JAKMIP2: variants seen among roughly 807,000 people sequenced by gnomAD.
JAKMIP2 encodes the protein janus kinase and microtubule-interacting protein 2.
JAKMIP2 carries 25 observed loss-of-function variants against 115.0 expected under a neutral mutation model. The observed-to-expected ratio is 0.22, with a 90% CI of 0.16 to 0.30. The LOEUF (loss-of-function observed/expected upper bound fraction) is 0.30. Ranked by LOEUF, JAKMIP2 falls within the 10% of genes least tolerant of loss-of-function variation. The probability of loss-of-function intolerance (pLI) is 1.00; values close to 1 mark genes in which losing one functional copy is unlikely to be tolerated. For missense variants in JAKMIP2, 642 were observed against 957.6 expected, an observed-to-expected ratio of 0.67 and a Z score of 4.35; for synonymous variants, 334 against 343.6, an observed-to-expected ratio of 0.97 and a Z score of 0.31.
At chr5:147,750,090 G>A (rs1754493337) in intron 1 of JAKMIP2, among the ~76,000 whole-genome samples, 2 of 152,128 alleles carry the variant, frequency 1.3e-5, no homozygotes, top group African/African-American at 4.8e-5. Context: ...TTTTTAAAAA[G>A]TCAAATAATT....
chr5:147,613,984 A>G (rs1389242171), intron 19 of JAKMIP2, among the ~76,000 whole-genome samples: 1 of 152,178 alleles, frequency 6.6e-6, no homozygotes, highest in Non-Finnish European at 1.5e-5. Context: ...TCAGTGCTCC[A>G]TAGCTACACA....
At chr5:147,669,289 G>A (rs777295589) in intron 2 of JAKMIP2, among the ~76,000 whole-genome samples, 24 of 152,294 alleles carry the variant, frequency 1.6e-4, no homozygotes, top group Middle Eastern at 3.4e-3. Context: ...AGCTGGGACC[G>A]TAATTAACTG....
intron 17 of JAKMIP2, among the ~76,000 whole-genome samples, chr5:147,622,087 G>C (rs996291421): frequency 6.6e-6 from 1 of 152,060 alleles, no homozygotes. Flanking sequence ...GGCTGGTCTC[G>C]AACTCCTGAC....
chr5:147,617,194 T>G (rs1371829439), intron 19 of JAKMIP2, among the ~76,000 whole-genome samples: 1 of 152,166 alleles, frequency 6.6e-6, no homozygotes, highest in Non-Finnish European at 1.5e-5. Flanking sequence ...ATGAATCACA[T>G]AAGTCATGGA....
intron 1 of JAKMIP2, among the ~76,000 whole-genome samples, chr5:147,709,759 G>C (rs190185564): frequency 1.3e-5 from 2 of 152,218 alleles, no homozygotes; most frequent in African/African-American, 4.8e-5. Context: ...CTGAGGCAGA[G>C]AACTGCCTAA....
intron 21 of JAKMIP2, among the ~76,000 whole-genome samples, chr5:147,593,746 G>A (rs540810135): frequency 2.0e-5 from 3 of 152,300 alleles, no homozygotes; most frequent in African/African-American, 4.8e-5. Flanking sequence ...GCTATGATTT[G>A]AGAAAATAGA....
intron 1 of JAKMIP2, among the ~76,000 whole-genome samples, chr5:147,707,400 A>C (rs1170304634): frequency 6.6e-6 from 1 of 152,176 alleles, no homozygotes; most frequent in East Asian, 1.9e-4. Context: ...GCGGTATGTC[A>C]GTAATATTTT....
intron 21 of JAKMIP2, among the ~76,000 whole-genome samples, chr5:147,593,200 T>C (rs571957073): frequency 6.6e-6 from 1 of 152,290 alleles, no homozygotes; most frequent in South Asian, 2.1e-4. Context: ...AGCTACCTCC[T>C]TAGCAAAAAG....
intron 1 of JAKMIP2, among the ~76,000 whole-genome samples, chr5:147,713,946 C>T (rs978434479): frequency 2.6e-5 from 4 of 152,216 alleles, no homozygotes; most frequent in Non-Finnish European, 4.4e-5. Context: ...CCTAGACAAT[C>T]TGAAACCCTC....
intron 1 of JAKMIP2, among the ~76,000 whole-genome samples, chr5:147,693,454 C>T (rs1302897375): frequency 6.6e-6 from 1 of 152,154 alleles, no homozygotes. Flanking sequence ...CACCTACTTA[C>T]ATCAGAACTA....
At chr5:147,652,214 T>TTGGTCA (rs1336843738) in intron 3 of JAKMIP2, among the ~76,000 whole-genome samples, 3 of 152,178 alleles carry the variant, frequency 2.0e-5, no homozygotes, top group Non-Finnish European at 1.5e-5. Context: ...GCTTAAAAAC[T>TTGGTCA]TGGTCATAGT....
intron 1 of JAKMIP2, among the ~76,000 whole-genome samples, chr5:147,765,758 C>A (rs1488834583): frequency 6.6e-6 from 1 of 152,086 alleles, no homozygotes; most frequent in Non-Finnish European, 1.5e-5. Context: ...TGTAATTCTA[C>A]CACCTGAACA....
intron 1 of JAKMIP2, among the ~76,000 whole-genome samples, chr5:147,716,048 T>C (rs1441479833): frequency 1.4e-5 from 2 of 139,074 alleles, no homozygotes; most frequent in African/African-American, 2.7e-5. Flanking sequence ...CCTGTGTCCA[T>C]GTGATCTCAT....
intron 1 of JAKMIP2, among the ~76,000 whole-genome samples, chr5:147,675,915 C>T (rs1010602931): frequency 4.6e-5 from 7 of 150,668 alleles, no homozygotes; most frequent in African/African-American, 1.7e-4. Context: ...TAGGGATAAA[C>T]TGCATCTTAT....
intron 1 of JAKMIP2, among the ~76,000 whole-genome samples, chr5:147,687,247 A>G (rs1760616353): frequency 6.6e-6 from 1 of 152,204 alleles, no homozygotes; most frequent in African/African-American, 2.4e-5. Flanking sequence ...TATCTTTTTA[A>G]TGCTCTGAGG....
chr5:147,597,172 C>T (rs969117317), intron 21 of JAKMIP2, among the ~76,000 whole-genome samples: 7 of 152,038 alleles, frequency 4.6e-5, no homozygotes, highest in South Asian at 4.2e-4. Context: ...AGTGAGCCAC[C>T]GCGCCTGGCC....
intron 1 of JAKMIP2, among the ~76,000 whole-genome samples, chr5:147,714,692 A>G (rs1454251144): frequency 1.3e-5 from 2 of 152,194 alleles, no homozygotes; most frequent in African/African-American, 4.8e-5. Flanking sequence ...AAAATAGATG[A>G]CTGGCCTATA....
At chr5:147,639,246 C>A (rs534441565) in intron 10 of JAKMIP2, among the ~76,000 whole-genome samples, 3 of 152,260 alleles carry the variant, frequency 2.0e-5, no homozygotes, top group East Asian at 3.9e-4. Context: ...AGTTGTCATA[C>A]GTAAACGCTG....
intron 7 of JAKMIP2, 135 bp downstream of exon 7, chr5:147,643,923 T>C: frequency 3.4e-6 from 2 of 591,708 alleles, no homozygotes; most frequent in Non-Finnish European, 5.6e-6. Context: ...ATACAGTCTC[T>C]AGAACAAAAT....
Sources: allele counts gnomAD v4.1 joint callset (sites outside exome capture counted in the v4.1 genomes callset), GRCh38; gene constraint gnomAD v4.1.1; transcripts MANE v1.5; gene names NCBI Gene and HGNC (gene_info 2026-07-23, HGNC 2026-07-21).